The following GRIN3A variants were observed in gnomAD, a reference collection of about 807,000 sequenced individuals.
GRIN3A encodes glutamate receptor ionotropic, NMDA 3A.
GRIN3A carries 47 observed loss-of-function variants against 92.4 expected under a neutral mutation model. The observed-to-expected ratio is 0.51, with a 90% CI of 0.40 to 0.65. The LOEUF (loss-of-function observed/expected upper bound fraction) is 0.65, where lower values mean the gene tolerates loss of function less well. Ranked by LOEUF, GRIN3A falls within the 30% of genes least tolerant of loss-of-function variation. GRIN3A has a pLI of 0.00. For missense variants in GRIN3A, 1,324 were observed against 1,393.1 expected (o/e 0.95, Z 0.79); for synonymous variants, 527 against 540.6 (o/e 0.97, Z 0.35).
chr9:101,648,542 T>C (rs1828969558), intron 3 of GRIN3A, among the ~76,000 whole-genome samples: 1 of 152,062 alleles, frequency 6.6e-6, no homozygotes, highest in South Asian at 2.1e-4. Context: ...ATCTGTTCAT[T>C]GGTGAAAGTG....
chr9:101,579,085 C>T, intron 7 of GRIN3A, 111 bp downstream of exon 7: 2 of 1,114,158 alleles, frequency 1.8e-6, no homozygotes, highest in Non-Finnish European at 2.7e-6. Flanking sequence ...CTACCCCACC[C>T]TCGTTATTGT....
At chr9:101,724,863 T>C (rs2184959) in intron 1 of GRIN3A, among the ~76,000 whole-genome samples, 64,799 of 152,136 alleles carry the variant, frequency 0.43, 14,006 homozygotes, top group Non-Finnish European at 0.47. Context: ...GGGTATGTCT[T>C]CATCAGCATG....
At position 101,599,798 on chromosome 9, in the gene GRIN3A, C is replaced by T. The variant is rs371808618; in HGVS notation, c.2766+13578G>A. On this transcript the variant is annotated intron_variant, in intron 6 of 8. Coordinates refer to ENST00000361820, the MANE Select transcript of GRIN3A (RefSeq NM_133445.3). ...TTCATTTTTCAAGCCAGTCAGGAGACCAGGTCACACAGCTGTTCTAGAAGC... is the reference window on the plus strand; with the variant it reads ...TTCATTTTTCAAGCCAGTCAGGAGATCAGGTCACACAGCTGTTCTAGAAGC... 1.2e-3 allele frequency among the ~76,000 whole-genome samples: 185 copies of T among 152,210 alleles called. 1 individual carries two copies. Among genetic ancestry groups the T allele is most frequent in the African/African-American group, 4.2e-3 (174 of 41,544 alleles).
intron 1 of GRIN3A, among the ~76,000 whole-genome samples, chr9:101,726,121 T>C (rs1188562085): frequency 1.3e-5 from 2 of 152,222 alleles, no homozygotes; most frequent in Non-Finnish European, 2.9e-5. Flanking sequence ...TCTGGGCCTT[T>C]CTGATTGGAT....
At chr9:101,714,007 A>G (rs1829913044) in intron 1 of GRIN3A, among the ~76,000 whole-genome samples, 1 of 152,234 alleles carries the variant, frequency 6.6e-6, no homozygotes, top group Non-Finnish European at 1.5e-5. Flanking sequence ...AGTCTGTGCA[A>G]CAGAGTAAGA....
intron 2 of GRIN3A, among the ~76,000 whole-genome samples, chr9:101,679,772 A>G (rs1829444755): frequency 6.6e-6 from 1 of 152,186 alleles, no homozygotes; most frequent in African/African-American, 2.4e-5. Flanking sequence ...CCAGGGAGCT[A>G]GTGCTAAGCA....
intron 3 of GRIN3A, among the ~76,000 whole-genome samples, chr9:101,652,942 G>A (rs561031989): frequency 2.0e-3 from 310 of 151,854 alleles, no homozygotes; most frequent in African/African-American, 6.8e-3. Flanking sequence ...TTTTTTTTAG[G>A]GGGGCTGGGA....
At chr9:101,718,790 A>G (rs553353016) in intron 1 of GRIN3A, among the ~76,000 whole-genome samples, 12 of 152,304 alleles carry the variant, frequency 7.9e-5, no homozygotes, top group African/African-American at 2.9e-4. Flanking sequence ...CCTCTTTTAA[A>G]AAAGTACTCA....
intron 3 of GRIN3A, among the ~76,000 whole-genome samples, chr9:101,657,200 C>A (rs1037398219): frequency 1.3e-5 from 2 of 151,822 alleles, no homozygotes; most frequent in East Asian, 1.9e-4. Context: ...CCTCTGATAT[C>A]TTTATATTCT....
intron 5 of GRIN3A, among the ~76,000 whole-genome samples, chr9:101,614,526 T>C (rs1588248948): frequency 6.6e-6 from 1 of 151,726 alleles, no homozygotes; most frequent in East Asian, 1.9e-4. Flanking sequence ...ACTTGCAGCA[T>C]GAATTCATTG....
chr9:101,721,426 T>C (rs1315731852), intron 1 of GRIN3A, among the ~76,000 whole-genome samples: 1 of 152,040 alleles, frequency 6.6e-6, no homozygotes, highest in Non-Finnish European at 1.5e-5. Context: ...CTAACTAATA[T>C]AGTAAATTGG....
At chr9:101,658,036 G>A (rs1410958428) in intron 3 of GRIN3A, among the ~76,000 whole-genome samples, 2 of 151,994 alleles carry the variant, frequency 1.3e-5, no homozygotes, top group East Asian at 3.9e-4. Context: ...GAAAGGACTT[G>A]TTGGAATAAA....
intron 3 of GRIN3A, among the ~76,000 whole-genome samples, chr9:101,663,478 A>G (rs1033979089): frequency 1.3e-5 from 2 of 151,776 alleles, no homozygotes; most frequent in African/African-American, 4.8e-5. Flanking sequence ...GATTGGTGTA[A>G]CTCAGTTTCT....
chr9:101,665,342 A>T (rs1393321594), intron 3 of GRIN3A, among the ~76,000 whole-genome samples: 2 of 151,930 alleles, frequency 1.3e-5, no homozygotes, highest in East Asian at 3.9e-4. Flanking sequence ...ATCTCAAGAT[A>T]ACCAAAGAAG....
At position 101,696,878 on chromosome 9, in the gene GRIN3A, AT is replaced by A. The variant is rs149516299; in HGVS notation, c.700-9679del. On this transcript the variant is annotated intron_variant, in intron 1 of 8. Transcript: ENST00000361820. ...TTAAAGACCCTCTAGAACTGATACC[AT>A]AGTTGACATAAACTTTTTCTCTCAA... 2.6e-3 allele frequency among the ~76,000 whole-genome samples: 403 copies of A among 152,240 alleles called. 1 individual carries two copies. The highest frequency in any genetic ancestry group is 9.3e-3 in the African/African-American group (388 of 41,536).
At chr9:101,701,047 A>G (rs561034205) in intron 1 of GRIN3A, among the ~76,000 whole-genome samples, 77 of 152,302 alleles carry the variant, frequency 5.1e-4, no homozygotes, top group Non-Finnish European at 5.4e-4. Flanking sequence ...AGAAGGAAAC[A>G]TGGACAACTA....
At chr9:101,586,283 C>T (rs763771168) in intron 6 of GRIN3A, among the ~76,000 whole-genome samples, 1 of 152,196 alleles carries the variant, frequency 6.6e-6, no homozygotes, top group Non-Finnish European at 1.5e-5. Flanking sequence ...ATGTAAGCTA[C>T]AGGAGGGCAG....
intron 1 of GRIN3A, among the ~76,000 whole-genome samples, chr9:101,724,919 C>A (rs1265882204): frequency 6.6e-6 from 1 of 152,180 alleles, no homozygotes; most frequent in Non-Finnish European, 1.5e-5. Flanking sequence ...GCCTTGAGGG[C>A]CAGATTCTAT....
intron 5 of GRIN3A, among the ~76,000 whole-genome samples, chr9:101,617,631 TTG>T (rs547650315): frequency 3.4e-4 from 51 of 151,618 alleles, no homozygotes; most frequent in African/African-American, 8.0e-4. Flanking sequence ...TTTATTTATT[TTG>T]TGTGTGTGTG....
Sources: gnomAD v4.1 joint callset for allele counts (sites outside exome capture counted in the v4.1 genomes callset) on GRCh38, gnomAD v4.1.1 for gene constraint, MANE v1.5 for transcripts, NCBI Gene and HGNC (gene_info 2026-07-23, HGNC 2026-07-21) for gene names.